STAT1: variants seen among roughly 807,000 people sequenced by gnomAD.
STAT1 encodes the protein signal transducer and activator of transcription 1-alpha/beta.
In STAT1, 24 loss-of-function variants were observed where a neutral mutation model predicts 111.7. The observed-to-expected ratio is 0.21, with a 90% CI of 0.16 to 0.30. The LOEUF (loss-of-function observed/expected upper bound fraction) is 0.30. STAT1 is among the 10% of genes least tolerant of loss of function. The pLI is 1.00. For synonymous variants in STAT1, 332 were observed against 326.5 expected, an observed-to-expected ratio of 1.02 and a Z score of -0.18; for missense variants, 351 against 911.9, an observed-to-expected ratio of 0.38 and a Z score of 7.92.
Position 190,975,922 on chromosome 2 carries a change from A to G in STAT1, c.2060-35T>C. 6.4e-7 allele frequency: 1 copy of G among 1,568,316 alleles called. No homozygotes were observed. Among genetic ancestry groups the G allele is most frequent in the Non-Finnish European group, 8.8e-7 (1 of 1,138,610 alleles). Reference sequence around the variant, plus strand: ...AACACATTGTGTACGCTTTCCATCAACCGAAATTCCATCAGAATACAACAT... The same window carrying G: ...AACACATTGTGTACGCTTTCCATCAGCCGAAATTCCATCAGAATACAACAT... On this transcript the variant is annotated intron_variant, in intron 22 of 24. Transcript: ENST00000361099. This position sits in a 1 kb window ranked among gnomAD's most constrained non-coding sequence, Gnocchi z 5.9.
intron 2 of STAT1, among the ~76,000 whole-genome samples, chr2:191,011,388 C>T (rs1695103008): frequency 1.3e-5 from 2 of 152,190 alleles, no homozygotes; most frequent in African/African-American, 4.8e-5. Context: ...CAAGCGAACC[C>T]AGGTAACTTA....
At position 190,988,910 on chromosome 2, in the gene STAT1, T is replaced by TG. The variant is rs45509596; in HGVS notation, c.1097+704dup. 4.2e-3 allele frequency among the ~76,000 whole-genome samples: 250 copies of TG among 59,940 alleles called. 2 individuals are homozygous for TG. Among genetic ancestry groups the TG allele is most frequent in the Middle Eastern group, 0.027 (3 of 110 alleles). The allele number at this position is 59,940 out of a possible 152,430, so 39.3% of individuals were successfully genotyped here. A position where few individuals can be genotyped will look rare whatever the true frequency, so the allele number is the denominator to read the frequency against. Reference sequence around the variant, plus strand: ...ACAAAAACATTAAATATGGGAGGGGTGGGGGGGGAGCCATCTTGTTCCTTA... The same window carrying TG: ...ACAAAAACATTAAATATGGGAGGGGTGGGGGGGGGAGCCATCTTGTTCCTTA... On this transcript the variant is annotated intron_variant, in intron 12 of 24. Coordinates refer to ENST00000361099, the MANE Select transcript of STAT1 (RefSeq NM_007315.4).
intron 10 of STAT1, among the ~76,000 whole-genome samples, chr2:190,991,736 T>G (rs918255364): frequency 6.6e-5 from 10 of 151,778 alleles, no homozygotes; most frequent in Admixed American, 6.6e-4. Context: ...CGTGGCTAAT[T>G]AGTCCCAACT....
At position 190,999,858 on chromosome 2, in the gene STAT1, A is replaced by G. The variant is rs41449550; in HGVS notation, c.463-154T>C. ...GACTTGGACAGTTCTAATCATATAC[A>G]TGAAATAATTTCGGTTTCATTAATA... On this transcript the variant is annotated intron_variant, in intron 6 of 24. Transcript: ENST00000361099. This position sits in a 1 kb window ranked among gnomAD's most constrained non-coding sequence, Gnocchi z 4.1. Among the ~76,000 whole-genome samples the G allele has an allele frequency of 7.1e-3, 1,081 of 152,334 alleles. 18 individuals are homozygous for G. The highest frequency in any genetic ancestry group is 0.025 in the African/African-American group (1,028 of 41,564).
rs955840594 is a variant in STAT1, at chr2:191,007,436, C to T, written c.372+127G>A. 2.8e-6 allele frequency: 2 copies of T among 717,764 alleles called. No individual in the cohort carries two copies. Among genetic ancestry groups the T allele is most frequent in the African/African-American group, 3.6e-5 (2 of 55,514 alleles). The allele number at this position is 717,764 out of a possible 1,614,324, so 44.5% of individuals were successfully genotyped here. On this transcript the variant is annotated intron_variant, in intron 5 of 24. Transcript: ENST00000361099. This position sits in a 1 kb window ranked among gnomAD's most constrained non-coding sequence, Gnocchi z 4.2. The stretch of plus-strand genomic sequence containing the variant: ...CTATAAAATCTCTAAATCTGATTCT[C>T]CCACTTCTTGGGGCTATAAAATTAG...
chr2:190,970,821 G>T lies in STAT1; in HGVS notation c.2239-104C>A. Reference sequence around the variant, plus strand: ...CTATTCTAGAATGAAGTAGTAGGAAGATACTTGCAATGGCAAATAAATACC... The same window carrying T: ...CTATTCTAGAATGAAGTAGTAGGAATATACTTGCAATGGCAAATAAATACC... On this transcript the variant is annotated intron_variant, in intron 24 of 24. Coordinates refer to ENST00000361099, the MANE Select transcript of STAT1 (RefSeq NM_007315.4). This position sits in a 1 kb window ranked among gnomAD's most constrained non-coding sequence, Gnocchi z 5.4. The T allele has an allele frequency of 8.8e-7, 1 of 1,130,294 alleles. No homozygotes were observed. The allele number at this position is 1,130,294 out of a possible 1,614,324, so 70.0% of individuals were successfully genotyped here. A position where few individuals can be genotyped will look rare whatever the true frequency, so the allele number is the denominator to read the frequency against.
chr2:190,986,958 T>C lies in STAT1; in HGVS notation c.1128-11A>G, dbSNP rs1313739796. On this transcript the variant is annotated splice_polypyrimidine_tract_variant and intron_variant, in intron 13 of 24. Coordinates refer to ENST00000361099, the MANE Select transcript of STAT1 (RefSeq NM_007315.4). This position sits in a 1 kb window ranked among gnomAD's most constrained non-coding sequence, Gnocchi z 5.0. Reference sequence around the variant, plus strand: ...TTGAACTTCCTAAATCTATACAATATAGGAAAGAAATGCTGAAAAGTCTTC... The same window carrying C: ...TTGAACTTCCTAAATCTATACAATACAGGAAAGAAATGCTGAAAAGTCTTC... 3.1e-6 allele frequency: 5 copies of C among 1,613,688 alleles called. No homozygotes were observed. Among genetic ancestry groups the C allele is most frequent in the Non-Finnish European group, 4.2e-6 (5 of 1,179,786 alleles).
Position 190,974,161 on chromosome 2 carries a change from G to A in STAT1, c.2238+669C>T, listed in dbSNP as rs1030542585. Among the ~76,000 whole-genome samples, 1 of 152,134 alleles carries A rather than the reference G, an allele frequency of 6.6e-6. No individual in the cohort carries two copies. Among genetic ancestry groups the A allele is most frequent in the African/African-American group, 2.4e-5 (1 of 41,422 alleles). On this transcript the variant is annotated intron_variant, in intron 24 of 24. Coordinates refer to ENST00000361099, the MANE Select transcript of STAT1 (RefSeq NM_007315.4). The surrounding 1 kb of genome is among the most constrained non-coding windows in gnomAD (Gnocchi z 4.8). ...GCCAAGCAAGCACAATCTTTAAGAG[G>A]AAGGATTTTAGGCTGAAAGGCAAAC...
intron 2 of STAT1, chr2:191,010,366 C>G (rs1287182692): frequency 2.1e-6 from 1 of 472,222 alleles, no homozygotes; most frequent in Non-Finnish European, 4.4e-6. Context: ...ATCTGACCTA[C>G]CACATATTTT....
intron 5 of STAT1, among the ~76,000 whole-genome samples, chr2:191,005,279 G>A (rs1694594923): frequency 6.6e-6 from 1 of 152,144 alleles, no homozygotes; most frequent in African/African-American, 2.4e-5. Flanking sequence ...GGGATTATTT[G>A]AAGCAAATAC....
chr2:190,978,738 G>GTA lies in STAT1; in HGVS notation c.1873+116_1873+117dup. 7.4e-7 allele frequency: 1 copy of GTA among 1,357,308 alleles called. No homozygotes were observed. Among genetic ancestry groups the GTA allele is most frequent in the Admixed American group, 2.0e-5 (1 of 50,786 alleles). The allele number at this position is 1,357,308 out of a possible 1,614,324, so 84.1% of individuals were successfully genotyped here. ...CCTATCGGGGGCTCATTTGGGGTAA[G>GTA]TATAAGATCTGCAATTTCATGTCCC... On this transcript the variant is annotated intron_variant, in intron 21 of 24. Coordinates refer to ENST00000361099, the MANE Select transcript of STAT1 (RefSeq NM_007315.4). The surrounding 1 kb of genome is among the most constrained non-coding windows in gnomAD (Gnocchi z 6.1).
chr2:190,992,790 TTTC>T, intron 10 of STAT1: 3 of 554,550 alleles, frequency 5.4e-6, no homozygotes, highest in East Asian at 3.9e-5. Flanking sequence ...CATTGCATTC[TTTC>T]TTTTTTTTTT....
At chr2:191,010,281 T>A (rs968573019) in intron 2 of STAT1, 4 of 492,020 alleles carry the variant, frequency 8.1e-6, no homozygotes, top group African/African-American at 3.9e-5. Context: ...TTATTTAAAC[T>A]GCAACCACCT....
chr2:191,009,602 G>A (rs542855183), intron 3 of STAT1, among the ~76,000 whole-genome samples: 4 of 152,220 alleles, frequency 2.6e-5, no homozygotes, highest in South Asian at 4.2e-4. Context: ...TCAGTATTCC[G>A]TAACTTGTCC....
rs1693835361 is a variant in STAT1, at chr2:190,996,084, G to C, written c.786-865C>G. Among the ~76,000 whole-genome samples the C allele has an allele frequency of 6.6e-6, 1 of 152,288 alleles. No individual in the cohort carries two copies. The highest frequency in any genetic ancestry group is 2.4e-5 in the African/African-American group (1 of 41,566). On this transcript the variant is annotated intron_variant, in intron 9 of 24. Coordinates refer to ENST00000361099, the MANE Select transcript of STAT1 (RefSeq NM_007315.4). The surrounding 1 kb of genome is among the most constrained non-coding windows in gnomAD (Gnocchi z 4.5). ...GAGATGGGAGACAAGGCCGGGGACA[G>C]GAAGAGAGGAAGGAATGATGATTCT...
Position 190,975,366 on chromosome 2 carries a change from C to T in STAT1, c.2136-434G>A, listed in dbSNP as rs750187074. On this transcript the variant is annotated intron_variant, in intron 23 of 24. Transcript: ENST00000361099. The surrounding 1 kb of genome is among the most constrained non-coding windows in gnomAD (Gnocchi z 5.9). ...ACACAGTGTTTTTACATGAAGGCTA[C>T]ATCCATTCACCCCAAGACAGTGCTG... 9.2e-5 allele frequency: 45 copies of T among 490,620 alleles called. 1 individual carries two copies. The Middle Eastern group carries it at 2.5e-3, about 27-fold the overall frequency. The allele number at this position is 490,620 out of a possible 1,614,324, so 30.4% of individuals were successfully genotyped here. A position where few individuals can be genotyped will look rare whatever the true frequency, so the allele number is the denominator to read the frequency against.
At chr2:190,992,796 T>C in intron 10 of STAT1, 1 of 455,668 alleles carries the variant, frequency 2.2e-6, no homozygotes. Context: ...ATTCTTTCTT[T>C]TTTTTTTTTT....
At chr2:190,991,931 T>C (rs1366022021) in intron 10 of STAT1, among the ~76,000 whole-genome samples, 1 of 152,162 alleles carries the variant, frequency 6.6e-6, no homozygotes, top group African/African-American at 2.4e-5. Flanking sequence ...GAATAAAATG[T>C]GCACTCAAAG....
intron 2 of STAT1, among the ~76,000 whole-genome samples, chr2:191,013,130 ATTATGTATAT>A (rs1559027879): frequency 6.6e-6 from 1 of 152,240 alleles, no homozygotes; most frequent in Non-Finnish European, 1.5e-5. Flanking sequence ...TTGAATTGAA[ATTATGTATAT>A]TTCAGACGGA....
Sources: gnomAD v4.1 joint callset for allele counts (sites outside exome capture counted in the v4.1 genomes callset) on GRCh38, gnomAD v4.1.1 for gene constraint, Gnocchi (gnomAD v3.1) non-coding constraint, MANE v1.5 for transcripts, NCBI Gene and HGNC (gene_info 2026-07-23, HGNC 2026-07-21) for gene names.